EPG5: variants seen among roughly 807,000 people sequenced by gnomAD.
The protein encoded by EPG5 is ectopic P granules protein 5 homolog.
In EPG5, 159 loss-of-function variants were observed where a neutral mutation model predicts 302.7. The ratio of observed to expected loss-of-function variants is 0.53; its 90% CI spans 0.46 to 0.60. EPG5 has a LOEUF of 0.60. Ranked by LOEUF, EPG5 falls within the 20% of genes least tolerant of loss-of-function variation. EPG5 has a pLI of 0.00. For synonymous variants in EPG5, 1,158 were observed against 1,136.8 expected (o/e 1.02, Z -0.37); for missense variants, 2,896 against 3,092.4 (o/e 0.94, Z 1.51).
At chr18:45,905,493 A>C (rs944347556) in intron 24 of EPG5, among the ~76,000 whole-genome samples, 2 of 152,154 alleles carry the variant, frequency 1.3e-5, no homozygotes, top group East Asian at 3.9e-4. Context: ...CTGAGTGTTC[A>C]ATGTGCTGGG....
chr18:45,909,294 G>A (rs943101316), intron 23 of EPG5, among the ~76,000 whole-genome samples: 1 of 152,150 alleles, frequency 6.6e-6, no homozygotes, highest in Non-Finnish European at 1.5e-5. Flanking sequence ...ATATAACAGA[G>A]GCAGAAAGGA....
chr18:45,878,532 CTT>C, intron 33 of EPG5, 84 bp from the exon 34 acceptor site: 2 of 836,124 alleles, frequency 2.4e-6, no homozygotes, highest in South Asian at 1.4e-5. Context: ...AAATCTACCT[CTT>C]ATTATCTGTA....
chr18:45,878,374 AC>A lies in EPG5; in HGVS notation c.5942+1del, dbSNP rs2049017447. On this transcript the variant is annotated splice_donor_variant, in intron 34 of 43. Coordinates refer to ENST00000282041, the MANE Select transcript of EPG5 (RefSeq NM_020964.3). LOFTEE classifies it high-confidence loss of function. ...AATTTGAATATCTAAAAAACTGTTT[AC>A]CTTTCGTTGTCCTCTAAAACCAGGA... 6.3e-7 allele frequency: 1 copy of A among 1,596,580 alleles called. No homozygotes were observed. Among genetic ancestry groups the A allele is most frequent in the Non-Finnish European group, 8.6e-7 (1 of 1,165,024 alleles).
At position 45,946,655 on chromosome 18, in the gene EPG5, CAA is replaced by C; in HGVS notation, c.1677+6_1677+7del. 8 of 1,605,248 alleles carry C rather than the reference CAA, an allele frequency of 5.0e-6. No homozygotes were observed. Among genetic ancestry groups the C allele is most frequent in the African/African-American group, 1.3e-5 (1 of 74,874 alleles). ...ATTCATCAAAATAATGCAGATATGA[CAA>C]GTTACCTCTTCTCCTCCTTCGTCTA... is the stretch of plus-strand genomic sequence containing the variant. On this transcript the variant is annotated splice_donor_region_variant and intron_variant, in intron 7 of 43. Coordinates refer to ENST00000282041, the MANE Select transcript of EPG5 (RefSeq NM_020964.3).
At chr18:45,908,206 T>C (rs2049805905) in intron 23 of EPG5, 125 bp from the exon 24 acceptor site, 6 of 717,392 alleles carry the variant, frequency 8.4e-6, no homozygotes, top group Non-Finnish European at 1.3e-5. Flanking sequence ...ACAGAAAATG[T>C]GGCCAACAAC....
Position 45,928,944 on chromosome 18 carries a change from A to G in EPG5, c.2478T>C (p.Thr826=), listed in dbSNP as rs747141582. The G allele has an allele frequency of 6.2e-7, 1 of 1,613,928 alleles. No homozygotes were observed. The highest frequency in any genetic ancestry group is 1.1e-5 in the South Asian group (1 of 91,070). The change falls in exon 13 of 44, where the codon ACT becomes ACC. Residue 826 remains threonine, a synonymous_variant. Coordinates refer to ENST00000282041, the MANE Select transcript of EPG5 (RefSeq NM_020964.3). ...TTATCTCAGGGTGAACAGCTGTGAT[A>G]GTCCCTAAAAGCTCTCGACCAACCT... ...FSKVGRELLG[T]ITAVHPEIIS...
At chr18:45,826,637 C>A in the EPG5 span, among the ~76,000 whole-genome samples, 1 of 152,220 alleles carries the variant, frequency 6.6e-6, no homozygotes, top group African/African-American at 2.4e-5. Flanking sequence ...AGCATCCATG[C>A]CACTGTATGC....
intron 1 of EPG5, among the ~76,000 whole-genome samples, chr18:45,966,470 G>A (rs372838048): frequency 1.1e-4 from 16 of 151,576 alleles, no homozygotes; most frequent in East Asian, 9.7e-4. Context: ...ATGTATATAT[G>A]TGTATATATG....
chr18:45,906,599 A>T (rs1409530526), intron 24 of EPG5, among the ~76,000 whole-genome samples: 1 of 151,564 alleles, frequency 6.6e-6, no homozygotes, highest in African/African-American at 2.4e-5. Context: ...GGCCCAATCC[A>T]AATCAGGGGC....
chr18:45,828,082 C>T, the EPG5 span, among the ~76,000 whole-genome samples: 4 of 152,198 alleles, frequency 2.6e-5, no homozygotes, highest in African/African-American at 9.6e-5. Context: ...GGGAGCCTCT[C>T]CTCATGGCTC....
At chr18:45,877,894 G>C (rs1271750679) in intron 34 of EPG5, among the ~76,000 whole-genome samples, 1 of 152,140 alleles carries the variant, frequency 6.6e-6, no homozygotes. Flanking sequence ...GACTCAGAAG[G>C]CAACTCACTG....
chr18:45,949,460 G>T, intron 5 of EPG5, 24 bp downstream of exon 5: 1 of 1,462,860 alleles, frequency 6.8e-7, no homozygotes, highest in Non-Finnish European at 9.5e-7. Context: ...CAACCCCTCA[G>T]AATGAGTTGA....
Position 45,967,212 on chromosome 18 carries a change from G to C in EPG5, c.28C>G (p.Arg10Gly), listed in dbSNP as rs1298963677. The stretch of plus-strand genomic sequence containing the variant: ...GTCCGGCTGGCCTTGGCCTTGGCCC[G>C]GCGCTGGGGCTTCACCGCCTCGGCC... MAEAVKPQR[R>G]AKAKASRTKT... The change falls in exon 1 of 44, where the codon CGG becomes GGG. Residue 10 changes from arginine (R) to glycine (G), a missense_variant. Transcript: ENST00000282041. The C allele has an allele frequency of 1.2e-6, 2 of 1,605,482 alleles. No homozygotes were observed. The highest frequency in any genetic ancestry group is 2.2e-5 in the South Asian group (2 of 89,364).
At chr18:45,949,676 G>C (rs2050861742) in intron 4 of EPG5, 85 bp from the exon 5 acceptor site, 8 of 771,600 alleles carry the variant, frequency 1.0e-5, no homozygotes, top group Non-Finnish European at 1.7e-5. Context: ...TTTATCCAGT[G>C]CTTCAATACA....
rs2143783802 is a variant in EPG5, at chr18:45,954,636, T to C, written c.766A>G (p.Thr256Ala). The change falls in exon 2 of 44, where the codon ACT becomes GCT. Residue 256 changes from threonine (T) to alanine (A), a missense_variant. Coordinates refer to ENST00000282041, the MANE Select transcript of EPG5 (RefSeq NM_020964.3). The part of the protein sequence containing the change: ...LPSQLELVPF[T>A]KEQLKILEPG... ...TCCAAGATTTTTAGCTGTTCTTTAG[T>C]AAATGGTACTAGTTCCAGTTGAGAC... is the stretch of plus-strand genomic sequence containing the variant. The C allele has an allele frequency of 6.2e-7, 1 of 1,614,280 alleles. No homozygotes were observed. The highest frequency in any genetic ancestry group is 2.2e-5 in the East Asian group (1 of 44,892).
At chr18:45,852,793 G>C in intron 43 of EPG5, 144 bp from the exon 44 acceptor site, 1 of 705,768 alleles carries the variant, frequency 1.4e-6, no homozygotes, top group Admixed American at 2.7e-5. Context: ...CAGGAGTCCG[G>C]AAGGCAGGCA....
At chr18:45,824,039 G>A in the EPG5 span, among the ~76,000 whole-genome samples, 83 of 152,300 alleles carry the variant, frequency 5.4e-4, no homozygotes, top group African/African-American at 1.9e-3. Flanking sequence ...GGGTTAAGAA[G>A]GAGCTGACCC....
chr18:45,914,514 T>C (rs2049984432), intron 20 of EPG5, among the ~76,000 whole-genome samples: 1 of 152,246 alleles, frequency 6.6e-6, no homozygotes, highest in Non-Finnish European at 1.5e-5. Flanking sequence ...ATGCTGCTGC[T>C]GATGATAATA....
the EPG5 span, among the ~76,000 whole-genome samples, chr18:45,834,524 G>A: frequency 6.6e-6 from 1 of 152,218 alleles, no homozygotes; most frequent in Non-Finnish European, 1.5e-5. Flanking sequence ...GGATGAAGAG[G>A]AGGAGCTGGT....
Sources: gnomAD v4.1 joint callset for allele counts (sites outside exome capture counted in the v4.1 genomes callset) on GRCh38, gnomAD v4.1.1 for gene constraint, MANE v1.5 for transcripts, NCBI Gene and HGNC (gene_info 2026-07-23, HGNC 2026-07-21) for gene names.